The following MGAT4C variants were observed in gnomAD, a reference collection of about 807,000 sequenced individuals.
The protein encoded by MGAT4C is alpha-1,3-mannosyl-glycoprotein 4-beta-N-acetylglucosaminyltransferase C.
Under a neutral mutation model 40.1 loss-of-function variants are expected in MGAT4C, and 19 were observed. The ratio of observed to expected loss-of-function variants is 0.47; its 90% CI spans 0.33 to 0.70. The LOEUF (loss-of-function observed/expected upper bound fraction) is 0.70, where lower values mean the gene tolerates loss of function less well. MGAT4C is among the 30% of genes least tolerant of loss of function. The probability of loss-of-function intolerance (pLI) is 0.02; values close to 1 mark genes in which losing one functional copy is unlikely to be tolerated. For missense variants in MGAT4C, 491 were observed against 563.2 expected (o/e 0.87, Z 1.30); for synonymous variants, 181 against 187.1 (o/e 0.97, Z 0.27).
chr12:86,394,501 ATT>A (rs979310437), intron 3 of MGAT4C, among the ~76,000 whole-genome samples: 38 of 144,888 alleles, frequency 2.6e-4, no homozygotes, highest in African/African-American at 8.3e-4. Flanking sequence ...TTATATATAT[ATT>A]TTTTAAATAT....
At chr12:86,600,226 G>T (rs1961714577) in intron 2 of MGAT4C, among the ~76,000 whole-genome samples, 1 of 152,148 alleles carries the variant, frequency 6.6e-6, no homozygotes, top group South Asian at 2.1e-4. Context: ...TTTGTGGTGG[G>T]ATATAAGTTG....
intron 1 of MGAT4C, among the ~76,000 whole-genome samples, chr12:86,243,386 G>A (rs560293866): frequency 3.9e-5 from 6 of 152,300 alleles, no homozygotes; most frequent in African/African-American, 1.4e-4. Flanking sequence ...CACACCCTGA[G>A]GTGACCCTCA....
At chr12:86,257,147 T>G (rs1952543306), upstream of MGAT4C, among the ~76,000 whole-genome samples, 1 of 152,196 alleles carries the variant, frequency 6.6e-6, no homozygotes, top group African/African-American at 2.4e-5. Context: ...CTCTATGATA[T>G]AGTGCTGTTC....
Position 86,435,549 on chromosome 12 carries a change from G to C in MGAT4C, c.-228-284C>G, listed in dbSNP as rs374223314. On this transcript the variant is annotated intron_variant, in intron 2 of 7. Transcript: ENST00000548651. ...CACAATTATAAATCAAGATGATACT[G>C]TCTGGTACGTAAATTTACTTAGCAC... is the stretch of plus-strand genomic sequence containing the variant. 2.6e-5 allele frequency among the ~76,000 whole-genome samples: 4 copies of C among 151,922 alleles called. No individual in the cohort carries two copies. The South Asian group carries it at 8.3e-4, about 32-fold the overall frequency.
chr12:86,273,939 A>C (rs1400985690), intron 4 of MGAT4C, among the ~76,000 whole-genome samples: 1 of 152,232 alleles, frequency 6.6e-6, no homozygotes, highest in Non-Finnish European at 1.5e-5. Context: ...AATACCATGT[A>C]ATTTATAAAG....
chr12:86,495,129 T>G (rs1958214667), intron 2 of MGAT4C: 1 of 152,072 alleles, frequency 6.6e-6, no homozygotes, highest in Non-Finnish European at 1.5e-5. Flanking sequence ...CCAAATATCT[T>G]TATAAACTAT....
At chr12:86,781,988 TTTTA>T (rs1380070908) in intron 1 of MGAT4C, among the ~76,000 whole-genome samples, 5 of 151,986 alleles carry the variant, frequency 3.3e-5, no homozygotes, top group African/African-American at 7.2e-5. Context: ...TTCATAGACT[TTTTA>T]TTTATTTATT....
intron 1 of MGAT4C, among the ~76,000 whole-genome samples, chr12:86,084,136 A>G (rs1871322753): frequency 6.6e-6 from 1 of 152,148 alleles, no homozygotes; most frequent in South Asian, 2.1e-4. Context: ...CCTGCGCTCA[A>G]AAAACTAACA....
upstream of MGAT4C, among the ~76,000 whole-genome samples, chr12:86,259,988 T>C (rs1952626818): frequency 1.8e-5 from 1 of 54,768 alleles, no homozygotes; most frequent in South Asian, 6.9e-4. Context: ...GAGAGGAAGC[T>C]AACCAATTTT....
chr12:86,455,203 C>G (rs538798715), intron 2 of MGAT4C, among the ~76,000 whole-genome samples: 2 of 152,140 alleles, frequency 1.3e-5, no homozygotes, highest in Admixed American at 1.3e-4. Context: ...ATTCCAGTAT[C>G]AAATAATTCA....
intron 1 of MGAT4C, among the ~76,000 whole-genome samples, chr12:86,192,940 T>C (rs1566121535): frequency 1.3e-5 from 2 of 152,158 alleles, no homozygotes; most frequent in Admixed American, 6.6e-5. Context: ...CATCATCTGA[T>C]ATTATTGCTC....
At chr12:86,051,568 GTTAAA>G (rs1388049060) in intron 1 of MGAT4C, among the ~76,000 whole-genome samples, 2 of 151,500 alleles carry the variant, frequency 1.3e-5, no homozygotes, top group Admixed American at 6.6e-5. Context: ...ATTTCATCTG[GTTAAA>G]TTAAATTATA....
intron 1 of MGAT4C, among the ~76,000 whole-genome samples, chr12:86,207,671 C>G (rs969420298): frequency 1.3e-5 from 2 of 152,032 alleles, no homozygotes; most frequent in Admixed American, 6.5e-5. Flanking sequence ...ATAAATACAG[C>G]AAATAATTTA....
intron 1 of MGAT4C, among the ~76,000 whole-genome samples, chr12:86,807,274 C>T (rs575730712): frequency 6.6e-6 from 1 of 152,084 alleles, no homozygotes; most frequent in South Asian, 2.1e-4. Context: ...GCTCTCTCTT[C>T]CCCCACTCCA....
chr12:86,175,816 A>G (rs1887363606), intron 1 of MGAT4C, among the ~76,000 whole-genome samples: 1 of 150,952 alleles, frequency 6.6e-6, no homozygotes. Context: ...AAAAAAAAAA[A>G]AAAAATTAGC....
intron 1 of MGAT4C, among the ~76,000 whole-genome samples, chr12:86,173,373 T>A (rs548723528): frequency 3.9e-5 from 6 of 152,244 alleles, no homozygotes; most frequent in Admixed American, 3.9e-4. Context: ...GAAATGCTGA[T>A]TTGAATGTTG....
At chr12:86,301,134 G>A (rs549725234) in intron 4 of MGAT4C, among the ~76,000 whole-genome samples, 3 of 152,158 alleles carry the variant, frequency 2.0e-5, no homozygotes, top group South Asian at 2.1e-4. Context: ...ACTCATTCAC[G>A]CCCAGGGGCT....
chr12:86,508,180 G>C (rs1001002222), intron 2 of MGAT4C, among the ~76,000 whole-genome samples: 1 of 152,018 alleles, frequency 6.6e-6, no homozygotes, highest in African/African-American at 2.4e-5. Flanking sequence ...CTAGCATTAG[G>C]TATATCTCCT....
At position 86,765,840 on chromosome 12, in the gene MGAT4C, C is replaced by G. The variant is rs184453796; in HGVS notation, c.-261-38599G>C. On this transcript the variant is annotated intron_variant, in intron 1 of 7. Transcript: ENST00000548651. Reference sequence around the variant, plus strand: ...CTGAGAGATTTTTGTCACCACCAGGCCTGCCCTAAAAGAGCTCCTGAAGGA... The same window carrying G: ...CTGAGAGATTTTTGTCACCACCAGGGCTGCCCTAAAAGAGCTCCTGAAGGA... Among the ~76,000 whole-genome samples, 1,152 of 152,208 alleles carry G rather than the reference C, an allele frequency of 7.6e-3. 15 individuals carry two copies. The highest frequency in any genetic ancestry group is 0.025 in the African/African-American group (1,047 of 41,534).
Sources: gnomAD v4.1 joint callset for allele counts (sites outside exome capture counted in the v4.1 genomes callset) on GRCh38, gnomAD v4.1.1 for gene constraint, MANE v1.5 for transcripts, NCBI Gene and HGNC (gene_info 2026-07-23, HGNC 2026-07-21) for gene names.